Variants in SLC60A1 observed in about 807,000 individuals in gnomAD.
SLC60A1 encodes major facilitator superfamily domain containing 4.
chr1:205,586,135 C>T, the SLC60A1 span: 1 of 1,613,792 alleles, frequency 6.2e-7, no homozygotes, highest in Non-Finnish European at 8.5e-7. Context: ...GGGGCTTCAT[C>T]ACACTGGGCC....
At chr1:205,580,984 C>T in the SLC60A1 span, 8 of 1,552,686 alleles carry the variant, frequency 5.2e-6, no homozygotes, top group Non-Finnish European at 7.0e-6. This position sits in a 1 kb window ranked among gnomAD's most constrained non-coding sequence, Gnocchi z 5.0. Flanking sequence ...CCCAGTCCAC[C>T]CCACACCCAG....
At chr1:205,569,276 C>A in the SLC60A1 span, 20 of 1,548,020 alleles carry the variant, frequency 1.3e-5, no homozygotes, top group Non-Finnish European at 1.6e-5. Context: ...TGGGCAGCGC[C>A]CTCGGGGGCG....
chr1:205,592,435 A>G, the SLC60A1 span: 2 of 881,708 alleles, frequency 2.3e-6, no homozygotes, highest in Non-Finnish European at 3.2e-6. Flanking sequence ...CACAACGTGC[A>G]GGTTTGTTAC....
At chr1:205,582,440 C>A in the SLC60A1 span, among the ~76,000 whole-genome samples, 1 of 152,254 alleles carries the variant, frequency 6.6e-6, no homozygotes, top group African/African-American at 2.4e-5. Flanking sequence ...ACCTGCCCTT[C>A]TCTGACTTTT....
chr1:205,582,802 C>T, the SLC60A1 span, among the ~76,000 whole-genome samples: 1 of 152,228 alleles, frequency 6.6e-6, no homozygotes, highest in African/African-American at 2.4e-5. Flanking sequence ...CCCAAGGTCA[C>T]CATAGGGAGG....
chr1:205,591,520 TTCTGGGTC>T, the SLC60A1 span, among the ~76,000 whole-genome samples: 5 of 150,622 alleles, frequency 3.3e-5, no homozygotes, highest in African/African-American at 9.8e-5. Flanking sequence ...AAAGAAAGAT[TTCTGGGTC>T]TCCAACCATA....
At chr1:205,578,673 T>A in the SLC60A1 span, among the ~76,000 whole-genome samples, 1 of 150,004 alleles carries the variant, frequency 6.7e-6, no homozygotes, top group African/African-American at 2.4e-5. Context: ...ACAGCCTGAG[T>A]GATCACTGGG....
the SLC60A1 span, among the ~76,000 whole-genome samples, chr1:205,588,862 C>T: frequency 0.015 from 2,294 of 152,246 alleles, 27 homozygotes; most frequent in South Asian, 0.045. Context: ...AGGGAGCTTA[C>T]GGCCGGCCAG....
chr1:205,579,897 C>T, the SLC60A1 span: 1 of 1,614,166 alleles, frequency 6.2e-7, no homozygotes. Flanking sequence ...GACACCGTGG[C>T]CAACATGCAG....
chr1:205,569,311 GC>G, the SLC60A1 span: 5 of 1,483,406 alleles, frequency 3.4e-6, no homozygotes, highest in Non-Finnish European at 4.5e-6. Flanking sequence ...TGAGTGCCGC[GC>G]CCGTGCGCCC....
the SLC60A1 span, among the ~76,000 whole-genome samples, chr1:205,599,519 T>C: frequency 1.3e-5 from 2 of 152,196 alleles, no homozygotes; most frequent in Non-Finnish European, 2.9e-5. Flanking sequence ...GATTGTGAAC[T>C]TGGCTTCCTG....
chr1:205,581,955 G>T, the SLC60A1 span, among the ~76,000 whole-genome samples: 1 of 152,212 alleles, frequency 6.6e-6, no homozygotes, highest in Non-Finnish European at 1.5e-5. This position sits in a 1 kb window ranked among gnomAD's most constrained non-coding sequence, Gnocchi z 4.2. Context: ...GGCTGAGCCC[G>T]GCTGGAAGCC....
the SLC60A1 span, chr1:205,579,548 C>T: frequency 4.9e-6 from 3 of 616,352 alleles, no homozygotes; most frequent in Non-Finnish European, 8.7e-6. Flanking sequence ...GTCCTGCAGC[C>T]ACCTTGTGAG....
the SLC60A1 span, among the ~76,000 whole-genome samples, chr1:205,573,081 A>C: frequency 6.6e-6 from 1 of 152,050 alleles, no homozygotes; most frequent in African/African-American, 2.4e-5. Context: ...TGGGCAGCAC[A>C]GTGAGACTCC....
the SLC60A1 span, among the ~76,000 whole-genome samples, chr1:205,572,302 C>T: frequency 6.6e-6 from 1 of 152,020 alleles, no homozygotes; most frequent in Admixed American, 6.6e-5. Flanking sequence ...TTAGGAGACC[C>T]CTTTATCTCG....
chr1:205,580,915 C>T, the SLC60A1 span: 2 of 1,613,238 alleles, frequency 1.2e-6, no homozygotes, highest in South Asian at 1.1e-5. This position sits in a 1 kb window ranked among gnomAD's most constrained non-coding sequence, Gnocchi z 5.0. Context: ...TCATGGCCCT[C>T]ATCAATGTGA....
At chr1:205,579,518 G>A in the SLC60A1 span, 1 of 590,854 alleles carries the variant, frequency 1.7e-6, no homozygotes, top group East Asian at 2.8e-5. Flanking sequence ...TAGAATACTA[G>A]TGGCTAGGCT....
the SLC60A1 span, chr1:205,597,884 T>C: frequency 6.2e-7 from 1 of 1,603,192 alleles, no homozygotes; most frequent in Non-Finnish European, 8.5e-7. Flanking sequence ...AGGGGAGCAT[T>C]TGGGGAGCAC....
chr1:205,569,090 G>A, the SLC60A1 span: 11 of 1,503,286 alleles, frequency 7.3e-6, no homozygotes, highest in East Asian at 3.1e-4. Flanking sequence ...ACGGCCGCGT[G>A]TCGGGGCTGC....
Sources: gnomAD v4.1 joint callset for allele counts (sites outside exome capture counted in the v4.1 genomes callset) on GRCh38, gnomAD v4.1.1 for gene constraint, Gnocchi (gnomAD v3.1) non-coding constraint, MANE v1.5 for transcripts, NCBI Gene and HGNC (gene_info 2026-07-23, HGNC 2026-07-21) for gene names.